SCYL2: variants seen among roughly 807,000 people sequenced by gnomAD.
SCYL2 encodes SCY1-like protein 2.
SCYL2 carries 36 observed loss-of-function variants against 100.4 expected under a neutral mutation model. The ratio of observed to expected loss-of-function variants is 0.36; its 90% CI spans 0.27 to 0.47. The LOEUF (loss-of-function observed/expected upper bound fraction) is 0.47. Among genes scored for constraint, SCYL2 ranks in the 20% least tolerant of loss-of-function variants. The pLI is 1.00. For synonymous variants in SCYL2, 330 were observed against 359.2 expected (o/e 0.92, Z 0.92); for missense variants, 902 against 1,083.9 (o/e 0.83, Z 2.36).
intron 1 of SCYL2, among the ~76,000 whole-genome samples, chr12:100,278,088 T>C (rs2096294405): frequency 6.6e-6 from 1 of 152,230 alleles, no homozygotes; most frequent in Admixed American, 6.5e-5. Flanking sequence ...TTATTTTTGC[T>C]TTAAATGATC....
chr12:100,331,652 G>A (rs1050713741), intron 13 of SCYL2, among the ~76,000 whole-genome samples: 3 of 151,482 alleles, frequency 2.0e-5, no homozygotes, highest in Non-Finnish European at 2.9e-5. Context: ...AGCTTAGTGG[G>A]TTTTTTTTGG....
rs763737013 is a variant in SCYL2, at chr12:100,335,621, A to G, written c.1863-4A>G. 1.3e-6 allele frequency: 2 copies of G among 1,583,136 alleles called. No individual in the cohort carries two copies. The highest frequency in any genetic ancestry group is 1.7e-5 in the Admixed American group (1 of 57,166). ...TGTTTTATCATAATTCAACTCTCCT[A>G]CAGATCTTTGGATATAGGAAATCAA... is the stretch of plus-strand genomic sequence containing the variant. On this transcript the variant is annotated splice_region_variant and splice_polypyrimidine_tract_variant and intron_variant, in intron 14 of 17. Coordinates refer to ENST00000360820, the MANE Select transcript of SCYL2 (RefSeq NM_017988.6).
chr12:100,324,129 T>TA (rs1456312752), intron 11 of SCYL2, among the ~76,000 whole-genome samples: 7 of 152,152 alleles, frequency 4.6e-5, no homozygotes, highest in Non-Finnish European at 1.0e-4. Flanking sequence ...ATAGTTGTGC[T>TA]AAAAAATGTA....
intron 10 of SCYL2, among the ~76,000 whole-genome samples, chr12:100,320,224 T>TAGTTCCTCATCCCGGCTGTTATTA (rs1207379566): frequency 1.8e-4 from 28 of 152,190 alleles, no homozygotes; most frequent in African/African-American, 6.8e-4. Flanking sequence ...GTTATTAAAA[T>TAGTTCCTCATCCCGGCTGTTATTA]AGTTCCTCAT....
chr12:100,311,284 G>C (rs1280299283), intron 5 of SCYL2, 91 bp downstream of exon 5: 19 of 1,317,314 alleles, frequency 1.4e-5, no homozygotes, highest in Non-Finnish European at 1.9e-5. Flanking sequence ...TGGTACAGTG[G>C]TATGTTTAGA....
intron 4 of SCYL2, among the ~76,000 whole-genome samples, chr12:100,309,116 G>T (rs2096338498): frequency 6.6e-6 from 1 of 151,484 alleles, no homozygotes; most frequent in Non-Finnish European, 1.5e-5. Flanking sequence ...TTGTGTGTGT[G>T]TGTGTGTGTG....
chr12:100,282,660 T>C (rs2096300178), intron 1 of SCYL2, among the ~76,000 whole-genome samples: 1 of 152,190 alleles, frequency 6.6e-6, no homozygotes, highest in South Asian at 2.1e-4. Flanking sequence ...TGTTATACAG[T>C]TGAGCAATAT....
intron 3 of SCYL2, among the ~76,000 whole-genome samples, chr12:100,294,683 T>G (rs2135860180): frequency 9.3e-6 from 1 of 107,146 alleles, no homozygotes; most frequent in Admixed American, 9.1e-5. Context: ...ACGGGGTGGC[T>G]GGCCGGGCGG....
rs1011261518 is a variant in SCYL2, at chr12:100,267,495, C to T, written c.-326C>T. On this transcript the variant is annotated 5_prime_UTR_variant, in exon 1 of 18. Coordinates refer to ENST00000360820, the MANE Select transcript of SCYL2 (RefSeq NM_017988.6). Reference sequence around the variant, plus strand: ...GAGGAGGGAATGGAGGACTCGCGCCCGGGTTAGGCCTCCCAGGGCCGCTCA... The same window carrying T: ...GAGGAGGGAATGGAGGACTCGCGCCTGGGTTAGGCCTCCCAGGGCCGCTCA... 7.6e-5 allele frequency: 12 copies of T among 158,896 alleles called. No individual in the cohort carries two copies. The highest frequency in any genetic ancestry group is 2.2e-4 in the African/African-American group (9 of 41,578). 9.8% of individuals were successfully genotyped at this position (158,896 alleles called of 1,614,324 possible).
Position 100,282,929 on chromosome 12 carries a change from T to A in SCYL2, c.-28-14T>A. On this transcript the variant is annotated splice_polypyrimidine_tract_variant and intron_variant, in intron 1 of 17. Coordinates refer to ENST00000360820, the MANE Select transcript of SCYL2 (RefSeq NM_017988.6). The stretch of plus-strand genomic sequence containing the variant: ...AGAAATGATCAGTTCTCCACTATCC[T>A]TCTGTTTTTCTAGGTAACTATAACT... The A allele has an allele frequency of 7.6e-7, 1 of 1,312,878 alleles. No individual in the cohort carries two copies. The highest frequency in any genetic ancestry group is 1.1e-6 in the Non-Finnish European group (1 of 940,282). The allele number at this position is 1,312,878 out of a possible 1,614,324, so 81.3% of individuals were successfully genotyped here.
chr12:100,327,106 A>G (rs1952139887), intron 12 of SCYL2: 2 of 312,196 alleles, frequency 6.4e-6, no homozygotes, highest in Admixed American at 8.7e-5. Context: ...TGTAAGAGGC[A>G]AAGTATTTTC....
At chr12:100,294,691 C>T (rs1442028612) in intron 3 of SCYL2, among the ~76,000 whole-genome samples, 1 of 110,264 alleles carries the variant, frequency 9.1e-6, no homozygotes, top group African/African-American at 3.7e-5. Context: ...GCTGGCCGGG[C>T]GGGGGGCTGA....
chr12:100,292,595 TA>T (rs767146851), intron 3 of SCYL2, among the ~76,000 whole-genome samples: 4 of 152,214 alleles, frequency 2.6e-5, no homozygotes, highest in Non-Finnish European at 5.9e-5. Context: ...ATCTTTTTTT[TA>T]AACATAAAAG....
intron 11 of SCYL2, 122 bp from the exon 12 acceptor site, chr12:100,326,500 C>G (rs1394713772): frequency 4.4e-6 from 3 of 678,680 alleles, no homozygotes; most frequent in Non-Finnish European, 6.8e-6. Context: ...ATGAGAGCTT[C>G]TAAATCTACA....
At chr12:100,306,962 G>T (rs1423618491) in intron 4 of SCYL2, among the ~76,000 whole-genome samples, 2 of 152,066 alleles carry the variant, frequency 1.3e-5, no homozygotes, top group Non-Finnish European at 2.9e-5. Context: ...TCTTCAAGGA[G>T]AACTACAAAC....
Position 100,314,398 on chromosome 12 carries a change from GTATTTTT to G in SCYL2, c.970-89_970-83del, listed in dbSNP as rs2096345976. On this transcript the variant is annotated intron_variant, in intron 7 of 17. Transcript: ENST00000360820. ...TCAGCATTTTGCTAAATGTTTCTGAGTATTTTTTTTACCATATTGTGACAGTTTCAGA... is the reference window on the plus strand; with the variant it reads ...TCAGCATTTTGCTAAATGTTTCTGAGTTTACCATATTGTGACAGTTTCAGA... The G allele has an allele frequency of 3.3e-6, 3 of 899,146 alleles. No homozygotes were observed. The Admixed American group carries it at 9.6e-5, about 29-fold the overall frequency. 55.7% of individuals were successfully genotyped at this position (899,146 alleles called of 1,614,324 possible).
intron 1 of SCYL2, among the ~76,000 whole-genome samples, chr12:100,274,311 G>GT (rs1415638772): frequency 6.6e-6 from 1 of 152,126 alleles, no homozygotes; most frequent in Non-Finnish European, 1.5e-5. Flanking sequence ...CACAGCTGGA[G>GT]TTTTTTTGTC....
rs540328432 is a variant in SCYL2, at chr12:100,323,098, CATATGG to C, written c.1396-422_1396-417del. The stretch of plus-strand genomic sequence containing the variant: ...GTTTTAAAAAACTGTTGTATGTTAT[CATATGG>C]ATATATGTAACAGCTAAGAGAATTA... On this transcript the variant is annotated intron_variant, in intron 10 of 17. Transcript: ENST00000360820. 8.3e-4 allele frequency among the ~76,000 whole-genome samples: 125 copies of C among 151,220 alleles called. 1 individual carries two copies. The highest frequency in any genetic ancestry group is 6.8e-3 in the Middle Eastern group (2 of 292).
chr12:100,312,472 C>T lies in SCYL2; in HGVS notation c.671C>T (p.Ser224Leu), dbSNP rs1223622660. Reference sequence around the variant, plus strand: ...AAAGAATGGGACCCAAATTTACCTTCATTGTGTCTTCCAAATCCTGAATAT... The same window carrying T: ...AAAGAATGGGACCCAAATTTACCTTTATTGTGTCTTCCAAATCCTGAATAT... ...PCKEWDPNLP[S>L]LCLPNPEYLA... The change falls in exon 6 of 18, where the codon TCA (serine) becomes TTA (leucine). Residue 224 changes from serine (S) to leucine (L), a missense_variant. Ser to Leu is a moderately radical substitution (Grantham distance 145). Transcript: ENST00000360820. 6.2e-7 allele frequency: 1 copy of T among 1,613,242 alleles called. No homozygotes were observed. The highest frequency in any genetic ancestry group is 1.3e-5 in the African/African-American group (1 of 74,902).
Sources: gnomAD v4.1 joint callset for allele counts (sites outside exome capture counted in the v4.1 genomes callset) on GRCh38, gnomAD v4.1.1 for gene constraint, MANE v1.5 for transcripts, NCBI Gene and HGNC (gene_info 2026-07-23, HGNC 2026-07-21) for gene names.